CENPQ: variants seen among roughly 807,000 people sequenced by gnomAD.
CENPQ encodes chromosome 6 open reading frame 139.
Under a neutral mutation model 36.6 loss-of-function variants are expected in CENPQ, and 27 were observed. The ratio of observed to expected loss-of-function variants is 0.74; its 90% CI spans 0.54 to 1.02. The LOEUF is 1.02. Ranked by LOEUF, CENPQ falls within the 50% of genes least tolerant of loss-of-function variation. The probability of loss-of-function intolerance (pLI) is 0.00; values close to 1 mark genes in which losing one functional copy is unlikely to be tolerated. For missense variants in CENPQ, 306 were observed against 301.8 expected, an observed-to-expected ratio of 1.01 and a Z score of -0.10; for synonymous variants, 101 against 101.7, an observed-to-expected ratio of 0.99 and a Z score of 0.04.
chr6:49,475,913 C>T (rs868497974), intron 5 of CENPQ, among the ~76,000 whole-genome samples: 10 of 151,876 alleles, frequency 6.6e-5, no homozygotes, highest in African/African-American at 1.5e-4. Context: ...CACTGCTCAA[C>T]GAAATAAAAG....
rs1472372501 is a variant in CENPQ, at chr6:49,463,467, T to A, written c.-19+14T>A. 3 of 152,254 alleles carry A rather than the reference T, an allele frequency of 2.0e-5. No individual in the cohort carries two copies. The highest frequency in any genetic ancestry group is 2.9e-5 in the Non-Finnish European group (2 of 68,096). 9.4% of individuals were successfully genotyped at this position (152,254 alleles called of 1,614,324 possible). On this transcript the variant is annotated intron_variant, in intron 1 of 8. Transcript: ENST00000335783. ...GAAGAATCAGTGGTGAGTCGTGATA[T>A]CCTTAACCGGCTGGGTGGATCTAAA...
rs1294385346 is a variant in CENPQ, at chr6:49,470,969, T to C, written c.103-5T>C. ...TTATGTTTATGCATGTGTTTTTCCC[T>C]CTAGGTTAGAAACACAGTGAAAAAA... On this transcript the variant is annotated splice_polypyrimidine_tract_variant and splice_region_variant and intron_variant, in intron 2 of 8. Transcript: ENST00000335783. 3 of 1,494,014 alleles carry C rather than the reference T, an allele frequency of 2.0e-6. No individual in the cohort carries two copies. Among genetic ancestry groups the C allele is most frequent in the Non-Finnish European group, 2.7e-6 (3 of 1,112,500 alleles). The allele number at this position is 1,494,014 out of a possible 1,614,324, so 92.5% of individuals were successfully genotyped here.
At position 49,470,278 on chromosome 6, in the gene CENPQ, G is replaced by A; in HGVS notation, c.102G>A (p.Lys34=). The A allele has an allele frequency of 6.4e-7, 1 of 1,550,854 alleles. No individual in the cohort carries two copies. Among genetic ancestry groups the A allele is most frequent in the Non-Finnish European group, 8.9e-7 (1 of 1,127,220 alleles). ...AGGAAGTTGTGTTGTCAGAGAATAA[G>A]GTAATGAAAATATCAAGTTTCTCAT... ...DNEEVVLSEN[K]VRNTVKKNKN... The change falls in exon 2 of 9, where the codon AAG becomes AAA. Residue 34 remains lysine (K), a splice_region_variant and synonymous_variant. Transcript: ENST00000335783.
At chr6:49,481,972 G>A (rs1768442734) in intron 6 of CENPQ, among the ~76,000 whole-genome samples, 1 of 152,194 alleles carries the variant, frequency 6.6e-6, no homozygotes, top group Admixed American at 6.5e-5. Context: ...TGCCCCACAG[G>A]GAGGCAGCTA....
chr6:49,470,862 C>G, intron 2 of CENPQ, 112 bp from the exon 3 acceptor site: 1 of 513,072 alleles, frequency 1.9e-6, no homozygotes, highest in Non-Finnish European at 3.1e-6. Context: ...TTTCTATGTA[C>G]TAGAAATTAT....
chr6:49,492,203 T>C lies in CENPQ; in HGVS notation c.735T>C (p.Leu245=), dbSNP rs774475648. ...CTCTTCTAAAGGACTTGGATATTCT[T>C]CATAATTCATCACAGATGAAGAGCA... The part of the protein sequence containing the change: ...QNALLKDLDI[L]HNSSQMKSMS... Residue 245 remains leucine, a synonymous_variant, in exon 9 of 9, where the codon CTT becomes CTC. Coordinates refer to ENST00000335783, the MANE Select transcript of CENPQ (RefSeq NM_018132.4). The C allele has an allele frequency of 1.2e-6, 2 of 1,609,370 alleles. No homozygotes were observed. The highest frequency in any genetic ancestry group is 1.7e-6 in the Non-Finnish European group (2 of 1,178,538).
intron 3 of CENPQ, 129 bp downstream of exon 3, chr6:49,471,157 T>C: frequency 2.0e-6 from 1 of 490,572 alleles, no homozygotes; most frequent in Non-Finnish European, 3.3e-6. Flanking sequence ...ATTTGCATTT[T>C]TGTAAGAATA....
chr6:49,474,896 T>C (rs983893421), intron 5 of CENPQ, among the ~76,000 whole-genome samples: 5 of 151,882 alleles, frequency 3.3e-5, no homozygotes, highest in South Asian at 2.1e-4. Context: ...GCAAATAAAA[T>C]AGAAAATCTA....
chr6:49,470,400 G>A (rs1305167010), intron 2 of CENPQ, 122 bp downstream of exon 2: 9 of 505,828 alleles, frequency 1.8e-5, no homozygotes, highest in African/African-American at 4.1e-5. Flanking sequence ...TCAGGAGATC[G>A]AAACCATCCT....
At chr6:49,471,916 T>TA (rs1206151617) in intron 3 of CENPQ, 147 bp from the exon 4 acceptor site, 7 of 795,668 alleles carry the variant, frequency 8.8e-6, no homozygotes, top group Non-Finnish European at 3.6e-6. Context: ...AGCTGTGTGA[T>TA]AAAAAGTAAA....
intron 4 of CENPQ, 23 bp downstream of exon 4, chr6:49,472,206 T>C: frequency 6.4e-7 from 1 of 1,572,498 alleles, no homozygotes; most frequent in Non-Finnish European, 8.6e-7. Context: ...TTGTTCCATT[T>C]CATTCTTTTG....
chr6:49,476,937 C>T (rs1339091904), intron 5 of CENPQ, among the ~76,000 whole-genome samples: 1 of 152,090 alleles, frequency 6.6e-6, no homozygotes, highest in Non-Finnish European at 1.5e-5. Context: ...CTGGAGAGGA[C>T]ATGCAGAAAT....
intron 6 of CENPQ, among the ~76,000 whole-genome samples, chr6:49,482,726 T>C (rs1357490036): frequency 1.3e-5 from 2 of 152,150 alleles, no homozygotes; most frequent in Non-Finnish European, 2.9e-5. Flanking sequence ...GGTCCCTTTG[T>C]GGTCGCCAAA....
intron 6 of CENPQ, among the ~76,000 whole-genome samples, chr6:49,482,638 A>G (rs1768466383): frequency 7.1e-6 from 1 of 141,188 alleles, no homozygotes; most frequent in Admixed American, 7.7e-5. Context: ...ACTCAGTGAT[A>G]GGCAATGGTC....
intron 8 of CENPQ, 52 bp downstream of exon 8, chr6:49,488,736 A>G (rs1167323301): frequency 6.8e-7 from 1 of 1,465,880 alleles, no homozygotes; most frequent in African/African-American, 1.4e-5. Flanking sequence ...AGATGTTGCA[A>G]ATTTGGATTC....
intron 5 of CENPQ, among the ~76,000 whole-genome samples, chr6:49,476,941 C>G (rs1231314277): frequency 6.6e-6 from 1 of 152,104 alleles, no homozygotes; most frequent in Non-Finnish European, 1.5e-5. Context: ...AGAGGACATG[C>G]AGAAATAGGA....
chr6:49,470,682 A>G (rs1365789078), intron 2 of CENPQ, among the ~76,000 whole-genome samples: 1 of 151,670 alleles, frequency 6.6e-6, no homozygotes, highest in Non-Finnish European at 1.5e-5. Flanking sequence ...GGCAATGCCT[A>G]TATTTGTATA....
intron 5 of CENPQ, among the ~76,000 whole-genome samples, 163 bp from the exon 6 acceptor site, chr6:49,480,788 G>T (rs1222657070): frequency 6.6e-6 from 1 of 152,130 alleles, no homozygotes; most frequent in Non-Finnish European, 1.5e-5. Context: ...ATGATGATTT[G>T]TCAGGGCTTT....
At chr6:49,475,252 C>T (rs1256207784) in intron 5 of CENPQ, among the ~76,000 whole-genome samples, 2 of 152,112 alleles carry the variant, frequency 1.3e-5, no homozygotes, top group African/African-American at 2.4e-5. Flanking sequence ...TGGGCTTCAT[C>T]CCTGGGATGC....
Sources: allele counts gnomAD v4.1 joint callset (sites outside exome capture counted in the v4.1 genomes callset), GRCh38; gene constraint gnomAD v4.1.1; transcripts MANE v1.5; gene names NCBI Gene and HGNC (gene_info 2026-07-23, HGNC 2026-07-21).